Variants in ZNF564 observed in about 807,000 individuals in gnomAD.
ZNF564 encodes the protein zinc finger protein 564.
Under a neutral mutation model 10.5 loss-of-function variants are expected in ZNF564, and 5 were observed. The ratio of observed to expected loss-of-function variants is 0.48; its 90% CI spans 0.25 to 1.00. The LOEUF (loss-of-function observed/expected upper bound fraction) is 1.00, where lower values mean the gene tolerates loss of function less well. Among genes scored for constraint, ZNF564 ranks in the 50% least tolerant of loss-of-function variants. The pLI is 0.16. For missense variants in ZNF564, 603 were observed against 669.7 expected (o/e 0.90, Z 1.10); for synonymous variants, 242 against 218.1 (o/e 1.11, Z -0.97).
intron 1 of ZNF564, 150 bp downstream of exon 1, chr19:12,551,180 C>T (rs1047190264): frequency 3.3e-6 from 3 of 896,126 alleles, no homozygotes; most frequent in Non-Finnish European, 5.2e-6. Flanking sequence ...ACCCTGCGGC[C>T]GAGGGGACAG....
Position 12,527,821 on chromosome 19 carries a change from A to G in ZNF564, c.287T>C (p.Ile96Thr). Residue 96 changes from isoleucine (I) to threonine (T), a missense_variant, in exon 4 of 4, where the codon ATT (isoleucine) becomes ACT (threonine). By Grantham distance (89) the Ile-to-Thr change is moderately conservative (BLOSUM62 -1). Coordinates refer to ENST00000339282, the MANE Select transcript of ZNF564 (RefSeq NM_144976.4). ...TTCACATGGTCTTACTATAGTAGGA[A>G]TTTTCTTGTTCAGATTAAGATTGAG... The part of the protein sequence containing the change: ...QILNLNLNKK[I>T]PTIVRPCECS... 1 of 1,614,112 alleles carries G rather than the reference A, an allele frequency of 6.2e-7. No individual in the cohort carries two copies. Among genetic ancestry groups the G allele is most frequent in the South Asian group, 1.1e-5 (1 of 91,084 alleles).
intron 1 of ZNF564, among the ~76,000 whole-genome samples, chr19:12,535,062 A>G (rs2021882910): frequency 6.6e-6 from 1 of 152,062 alleles, no homozygotes; most frequent in Admixed American, 6.6e-5. Flanking sequence ...CCATGATAAG[A>G]CATAGAGGAA....
At chr19:12,551,301 T>C (rs751570090) in intron 1 of ZNF564, 29 bp downstream of exon 1, 3 of 1,603,560 alleles carry the variant, frequency 1.9e-6, no homozygotes, top group Non-Finnish European at 2.6e-6. Context: ...CCTCCCCCAG[T>C]CTCCAGGCGC....
At chr19:12,538,836 T>C (rs2021973095) in intron 1 of ZNF564, among the ~76,000 whole-genome samples, 1 of 152,042 alleles carries the variant, frequency 6.6e-6, no homozygotes, top group South Asian at 2.1e-4. Context: ...CTTTAGTTAA[T>C]AATAATGTTA....
chr19:12,526,777 G>A lies in ZNF564; in HGVS notation c.1331C>T (p.Thr444Ile). 2.5e-6 allele frequency: 4 copies of A among 1,614,174 alleles called. No individual in the cohort carries two copies. The highest frequency in any genetic ancestry group is 3.4e-6 in the Non-Finnish European group (4 of 1,180,040). The change falls in exon 4 of 4, where the codon ACT becomes ATT. Residue 444 changes from threonine (T) to isoleucine (I), a missense_variant. Thr to Ile is a moderately conservative substitution (Grantham distance 89). Coordinates refer to ENST00000339282, the MANE Select transcript of ZNF564 (RefSeq NM_144976.4). Reference protein sequence around the residue: ...KRIRKHMILHTGDGPYKCQVC... With the variant: ...KRIRKHMILHIGDGPYKCQVC... Reference sequence around the variant, plus strand: ...CTGACATTTATAAGGTCCATCTCCAGTGTGCAGTATCATATGTTTTCTAAT... The same window carrying A: ...CTGACATTTATAAGGTCCATCTCCAATGTGCAGTATCATATGTTTTCTAAT...
intron 1 of ZNF564, among the ~76,000 whole-genome samples, chr19:12,544,500 C>G (rs902556542): frequency 1.3e-5 from 2 of 152,180 alleles, no homozygotes; most frequent in Admixed American, 1.3e-4. Flanking sequence ...GTTTCCAGTT[C>G]TACGCCTCCT....
At chr19:12,528,505 A>C (rs2145064987) in intron 2 of ZNF564, 65 bp downstream of exon 2, 1 of 1,598,682 alleles carries the variant, frequency 6.3e-7, no homozygotes, top group African/African-American at 1.4e-5. Context: ...ATCATGAAAA[A>C]GCATTAAAAA....
chr19:12,532,459 C>T (rs1265223799), intron 1 of ZNF564, among the ~76,000 whole-genome samples: 6 of 134,222 alleles, frequency 4.5e-5, no homozygotes, highest in South Asian at 2.3e-4. Flanking sequence ...GGCGTGAACC[C>T]GGAAGGCGGA....
intron 1 of ZNF564, among the ~76,000 whole-genome samples, chr19:12,544,312 T>C (rs1377092340): frequency 1.3e-5 from 2 of 152,174 alleles, no homozygotes; most frequent in Non-Finnish European, 2.9e-5. Context: ...GACGGACAGT[T>C]AAACCCCAGC....
At chr19:12,548,617 G>C in intron 1 of ZNF564, 1 of 549,516 alleles carries the variant, frequency 1.8e-6, no homozygotes, top group East Asian at 2.9e-5. Context: ...TGGGATAACA[G>C]GCGTCAGCCA....
At chr19:12,541,136 G>C (rs2022041301) in intron 1 of ZNF564, among the ~76,000 whole-genome samples, 2 of 148,800 alleles carry the variant, frequency 1.3e-5, no homozygotes, top group Admixed American at 1.3e-4. Flanking sequence ...TGCAGTTCCA[G>C]CTACTCAAGA....
intron 1 of ZNF564, among the ~76,000 whole-genome samples, chr19:12,540,188 G>A (rs1187503498): frequency 3.3e-5 from 5 of 152,180 alleles, no homozygotes; most frequent in Non-Finnish European, 7.3e-5. Context: ...GAGAATGGAT[G>A]ATTTGGCTTC....
rs2022095406 is a variant in ZNF564 at position 12,543,377 on chromosome 19, A to AC, written c.3+7952dup. ...AGGGGAAGGGGAAAGGGAAGGGACC[A>AC]CTTCTAAAAACTGAAATAGCCGGGT... On this transcript the variant is annotated intron_variant, in intron 1 of 3. Coordinates refer to ENST00000339282, the MANE Select transcript of ZNF564 (RefSeq NM_144976.4). Among the ~76,000 whole-genome samples, 3 of 150,334 alleles carry AC rather than the reference A, an allele frequency of 2.0e-5. 1 individual carries two copies. The South Asian group carries it at 6.3e-4, about 32-fold the overall frequency.
chr19:12,541,789 G>A (rs2022055049), intron 1 of ZNF564, among the ~76,000 whole-genome samples: 1 of 142,064 alleles, frequency 7.0e-6, no homozygotes, highest in Non-Finnish European at 1.5e-5. Flanking sequence ...GCCGAGGCAG[G>A]CGGATCACAT....
Position 12,526,818 on chromosome 19 carries a change from G to A in ZNF564, c.1290C>T (p.Phe430=). Residue 430 remains phenylalanine (F), a synonymous_variant, in exon 4 of 4, where the codon TTC becomes TTT. Coordinates refer to ENST00000339282, the MANE Select transcript of ZNF564 (RefSeq NM_144976.4). ...GTTTTCTAATCCTTTTAAGAGAAATGAAGGCTTTCCCACATACCTGACATT... is the reference window on the plus strand; with the variant it reads ...GTTTTCTAATCCTTTTAAGAGAAATAAAGGCTTTCCCACATACCTGACATT... ...PYECQVCGKA[F]ISLKRIRKHM... 1 of 1,614,102 alleles carries A rather than the reference G, an allele frequency of 6.2e-7. No homozygotes were observed. The highest frequency in any genetic ancestry group is 8.5e-7 in the Non-Finnish European group (1 of 1,179,994).
At chr19:12,550,225 G>C (rs1389928939) in intron 1 of ZNF564, 2 of 150,350 alleles carry the variant, frequency 1.3e-5, no homozygotes, top group Non-Finnish European at 3.0e-5. Flanking sequence ...CCAGGAGGTG[G>C]AGGTTGCAGT....
intron 1 of ZNF564, among the ~76,000 whole-genome samples, chr19:12,533,391 C>T (rs2021845585): frequency 6.6e-6 from 1 of 152,064 alleles, no homozygotes; most frequent in South Asian, 2.1e-4. Flanking sequence ...GCATTGAACA[C>T]CTACACCAGG....
In ZNF564 at chr19:12,542,538, T is replaced by C. The variant is rs1412887719; in HGVS notation, c.3+8792A>G. Among the ~76,000 whole-genome samples the C allele has an allele frequency of 2.6e-5, 4 of 151,534 alleles. No homozygotes were observed. The East Asian group carries it at 7.8e-4, about 29-fold the overall frequency. Reference sequence around the variant, plus strand: ...CAGGAGGTTGAGGCAGGAGGATCGCTTGAACCCAAGAGTTGTAGGCTGCAG... The same window carrying C: ...CAGGAGGTTGAGGCAGGAGGATCGCCTGAACCCAAGAGTTGTAGGCTGCAG... On this transcript the variant is annotated intron_variant, in intron 1 of 3. Coordinates refer to ENST00000339282, the MANE Select transcript of ZNF564 (RefSeq NM_144976.4).
intron 3 of ZNF564, 95 bp downstream of exon 3, chr19:12,528,209 A>G (rs1599276730): frequency 5.7e-6 from 7 of 1,238,174 alleles, no homozygotes; most frequent in East Asian, 4.7e-5. Flanking sequence ...GAATAAATAA[A>G]TCTGAAGCTG....
Sources: gnomAD v4.1 joint callset for allele counts (sites outside exome capture counted in the v4.1 genomes callset) on GRCh38, gnomAD v4.1.1 for gene constraint, MANE v1.5 for transcripts, NCBI Gene and HGNC (gene_info 2026-07-23, HGNC 2026-07-21) for gene names.